TGS1: variants seen among roughly 807,000 people sequenced by gnomAD.
TGS1 encodes the protein trimethylguanosine synthase.
A neutral mutation model predicts 92.2 loss-of-function variants in TGS1; 69 were observed. The observed-to-expected ratio is 0.75, with a 90% CI of 0.62 to 0.91. TGS1 has a LOEUF of 0.91. Among genes scored for constraint, TGS1 ranks in the 40% least tolerant of loss-of-function variants. The probability of loss-of-function intolerance (pLI) is 0.00; values close to 1 mark genes in which losing one functional copy is unlikely to be tolerated. For missense variants in TGS1, 1,062 were observed against 1,001.2 expected, an observed-to-expected ratio of 1.06 and a Z score of -0.82; for synonymous variants, 345 against 338.1, an observed-to-expected ratio of 1.02 and a Z score of -0.22.
intron 1 of TGS1, among the ~76,000 whole-genome samples, chr8:55,778,303 G>T (rs912201566): frequency 5.3e-5 from 8 of 152,124 alleles, no homozygotes; most frequent in Admixed American, 2.0e-4. Context: ...GTAAATGGCA[G>T]CCTTAGAATT....
At position 55,785,882 on chromosome 8, in the gene TGS1, G is replaced by A; in HGVS notation, c.330G>A (p.Lys110=). The change falls in exon 3 of 13, where the codon AAG becomes AAA. Residue 110 remains lysine (K), a synonymous_variant. Coordinates refer to ENST00000260129, the MANE Select transcript of TGS1 (RefSeq NM_024831.8). ...AATTTGGTAGGATAACTGCACATAA[G>A]GATTTTGAGGTAAATATTAATTTAC... is the stretch of plus-strand genomic sequence containing the variant. ...PLQFGRITAH[K]DFEVSMNTRN... 1 of 1,588,892 alleles carries A rather than the reference G, an allele frequency of 6.3e-7. No individual in the cohort carries two copies. The highest frequency in any genetic ancestry group is 8.5e-7 in the Non-Finnish European group (1 of 1,171,406).
chr8:55,797,177 G>A (rs772871704), intron 7 of TGS1, among the ~76,000 whole-genome samples: 63 of 152,150 alleles, frequency 4.1e-4, no homozygotes, highest in Non-Finnish European at 7.8e-4. Flanking sequence ...GGAGGCCTCA[G>A]AAAACTTAAA....
chr8:55,802,733 C>G, intron 9 of TGS1, 127 bp downstream of exon 9: 1 of 944,584 alleles, frequency 1.1e-6, no homozygotes, highest in Non-Finnish European at 1.5e-6. Context: ...CAACATTTTG[C>G]CCCGTTTACG....
rs1400777841 is a variant in TGS1, at chr8:55,776,187, A to G, written c.101+2468A>G. Among the ~76,000 whole-genome samples the G allele has an allele frequency of 3.3e-5, 5 of 149,352 alleles. No homozygotes were observed. In the East Asian group the frequency reaches 1.0e-3, roughly 31 times the overall value. ...AGGGGGTCTGCATGAGAGGATCGTG[A>G]TTGATTGAGCAAGCAAGGGGTACGT... On this transcript the variant is annotated intron_variant, in intron 1 of 12. Coordinates refer to ENST00000260129, the MANE Select transcript of TGS1 (RefSeq NM_024831.8).
chr8:55,803,692 C>CTTTTTTTTTTTTTTTTT (rs111520676), intron 9 of TGS1, among the ~76,000 whole-genome samples: 1 of 144,150 alleles, frequency 6.9e-6, no homozygotes, highest in Non-Finnish European at 1.5e-5. Context: ...TTTTTCTTTT[C>CTTTTTTTTTTTTTTTTT]TTTTTTTTTT....
chr8:55,776,493 G>A (rs1378513792), intron 1 of TGS1, among the ~76,000 whole-genome samples: 1 of 152,090 alleles, frequency 6.6e-6, no homozygotes, highest in African/African-American at 2.4e-5. Context: ...TGTTAGCCAG[G>A]ATGGTCTCTG....
At chr8:55,822,716 G>C (rs555363647) in intron 12 of TGS1, among the ~76,000 whole-genome samples, 6 of 151,482 alleles carry the variant, frequency 4.0e-5, no homozygotes, top group African/African-American at 1.5e-4. Context: ...TAGTGGGGGG[G>C]GTGCTTTTAA....
chr8:55,793,166 G>T (rs1319593899), intron 6 of TGS1, among the ~76,000 whole-genome samples: 1 of 152,172 alleles, frequency 6.6e-6, no homozygotes, highest in African/African-American at 2.4e-5. Context: ...GTTGAAATCT[G>T]CAATAACCTC....
rs763366632 is a variant in TGS1 at position 55,790,206 on chromosome 8, A to G, written c.1187A>G (p.Asn396Ser). 47 of 1,613,934 alleles carry G rather than the reference A, an allele frequency of 2.9e-5. No homozygotes were observed. Among genetic ancestry groups the G allele is most frequent in the Non-Finnish European group, 3.8e-5 (45 of 1,179,942 alleles). Residue 396 changes from asparagine to serine, a missense_variant, in exon 5 of 13, where the codon AAC becomes AGC. Coordinates refer to ENST00000260129, the MANE Select transcript of TGS1 (RefSeq NM_024831.8). ...AEDSQKSSGA[N>S]TSKDRPHASG... ...GATTCACAGAAGTCTTCAGGAGCAA[A>G]CACAAGCAAAGACAGACCACATGCC...
At chr8:55,794,838 A>C (rs775232899) in intron 6 of TGS1, among the ~76,000 whole-genome samples, 3 of 152,200 alleles carry the variant, frequency 2.0e-5, no homozygotes, top group Non-Finnish European at 2.9e-5. Context: ...GATGTTTCTA[A>C]GGGTTGAGAT....
chr8:55,797,648 G>A (rs1812097007), intron 7 of TGS1, among the ~76,000 whole-genome samples: 1 of 152,126 alleles, frequency 6.6e-6, no homozygotes, highest in Non-Finnish European at 1.5e-5. Context: ...AAGTACCTGG[G>A]AAACAAAAGT....
At chr8:55,813,545 A>G (rs902825099) in intron 12 of TGS1, among the ~76,000 whole-genome samples, 1 of 152,210 alleles carries the variant, frequency 6.6e-6, no homozygotes, top group Admixed American at 6.5e-5. Context: ...TTTGTGCCAG[A>G]TACTCTTGAA....
At chr8:55,800,896 T>C (rs1455096300) in intron 8 of TGS1, among the ~76,000 whole-genome samples, 1 of 152,244 alleles carries the variant, frequency 6.6e-6, no homozygotes, top group Non-Finnish European at 1.5e-5. Context: ...CTTGTTTTTA[T>C]ACTTAACTGT....
At chr8:55,810,454 C>A (rs936506832) in intron 10 of TGS1, among the ~76,000 whole-genome samples, 5 of 152,184 alleles carry the variant, frequency 3.3e-5, no homozygotes, top group African/African-American at 1.2e-4. Context: ...TGTCGAATTT[C>A]TGTTCATTTT....
chr8:55,797,889 G>C (rs1242594945), intron 7 of TGS1, among the ~76,000 whole-genome samples: 1 of 152,052 alleles, frequency 6.6e-6, no homozygotes, highest in Non-Finnish European at 1.5e-5. Context: ...CAGCATACTT[G>C]TAAAATATGC....
At chr8:55,792,978 A>G (rs1171572323) in intron 6 of TGS1, among the ~76,000 whole-genome samples, 194 bp downstream of exon 6, 6 of 152,226 alleles carry the variant, frequency 3.9e-5, no homozygotes, top group Non-Finnish European at 8.8e-5. Context: ...GTTGCACTTT[A>G]TAGCAATCCA....
chr8:55,819,705 G>A (rs1803581633), intron 12 of TGS1, among the ~76,000 whole-genome samples: 1 of 152,122 alleles, frequency 6.6e-6, no homozygotes, highest in African/African-American at 2.4e-5. Context: ...ACCATGTGCA[G>A]AGAAATGGAA....
intron 12 of TGS1, among the ~76,000 whole-genome samples, chr8:55,822,292 G>A (rs751187239): frequency 2.0e-5 from 3 of 151,866 alleles, no homozygotes; most frequent in African/African-American, 7.3e-5. Flanking sequence ...GGATGGTCTC[G>A]ATCTCCTGAC....
In TGS1 at chr8:55,785,379, G is replaced by T. The variant is rs182086053; in HGVS notation, c.167-340G>T. 3.0e-3 allele frequency among the ~76,000 whole-genome samples: 456 copies of T among 152,060 alleles called. 1 individual carries two copies. Among genetic ancestry groups the T allele is most frequent in the African/African-American group, 0.011 (437 of 41,500 alleles). ...CATACCGTCAATTGTTTTTTTGTTT[G>T]TTTGTTTTCTTTTTTCCTTTAAAAA... On this transcript the variant is annotated intron_variant, in intron 2 of 12. Coordinates refer to ENST00000260129, the MANE Select transcript of TGS1 (RefSeq NM_024831.8).
Sources: gnomAD v4.1 joint callset for allele counts (sites outside exome capture counted in the v4.1 genomes callset) on GRCh38, gnomAD v4.1.1 for gene constraint, MANE v1.5 for transcripts, NCBI Gene and HGNC (gene_info 2026-07-23, HGNC 2026-07-21) for gene names.